GRB10: variants seen among roughly 807,000 people sequenced by gnomAD.
The protein encoded by GRB10 is growth factor receptor-bound protein 10.
In GRB10, 20 loss-of-function variants were observed where a neutral mutation model predicts 80.9. The ratio of observed to expected loss-of-function variants is 0.25; its 90% confidence interval spans 0.17 to 0.36. The LOEUF (loss-of-function observed/expected upper bound fraction) is 0.36. Among genes scored for constraint, GRB10 ranks in the 10% least tolerant of loss-of-function variants. The pLI is 1.00. For missense variants in GRB10, 548 were observed against 747.7 expected, an observed-to-expected ratio of 0.73 and a Z score of 3.12; for synonymous variants, 291 against 291.5, an observed-to-expected ratio of 1.00 and a Z score of 0.02.
At chr7:50,738,031 T>C (rs2153695228) in intron 3 of GRB10, among the ~76,000 whole-genome samples, 1 of 152,192 alleles carries the variant, frequency 6.6e-6, no homozygotes, top group Middle Eastern at 3.4e-3. Flanking sequence ...TCAACATCAC[T>C]AGTCGTTAGG....
At chr7:50,666,991 G>T (rs967630132) in intron 7 of GRB10, among the ~76,000 whole-genome samples, 2 of 137,172 alleles carry the variant, frequency 1.5e-5, no homozygotes, top group African/African-American at 5.5e-5. Context: ...AGTGAGCCGA[G>T]ATTGCGCCAC....
At chr7:50,780,904 T>G (rs1588114593) in intron 1 of GRB10, 168 bp from the exon 2 acceptor site, 1 of 152,280 alleles carries the variant, frequency 6.6e-6, no homozygotes, top group East Asian at 1.9e-4. Flanking sequence ...CCTCCAAAAT[T>G]CGAAAGATGC....
chr7:50,675,242 T>C (rs754066816), intron 5 of GRB10, among the ~76,000 whole-genome samples: 4 of 152,162 alleles, frequency 2.6e-5, no homozygotes, highest in Admixed American at 6.5e-5. Flanking sequence ...ATCCTCTCGA[T>C]TGGCCAGAGT....
At chr7:50,606,672 G>C in intron 13 of GRB10, 2 of 520,868 alleles carry the variant, frequency 3.8e-6, no homozygotes, top group Non-Finnish European at 7.0e-6. Flanking sequence ...TTGACCAGAA[G>C]CCTTAATGAT....
At chr7:50,721,729 G>A (rs2067785105) in intron 4 of GRB10, among the ~76,000 whole-genome samples, 1 of 152,084 alleles carries the variant, frequency 6.6e-6, no homozygotes, top group Non-Finnish European at 1.5e-5. Context: ...AGGGTGATAG[G>A]TCTCCACTCT....
intron 3 of GRB10, among the ~76,000 whole-genome samples, chr7:50,752,108 G>A (rs1244886101): frequency 1.3e-5 from 2 of 152,156 alleles, no homozygotes; most frequent in Non-Finnish European, 2.9e-5. Context: ...CACAGAGTCA[G>A]GGTGTGCAGG....
chr7:50,596,389 C>A (rs2046655957), intron 17 of GRB10, among the ~76,000 whole-genome samples: 1 of 152,174 alleles, frequency 6.6e-6, no homozygotes, highest in Admixed American at 6.5e-5. Context: ...GGTGCTCCCG[C>A]CAAAAATGCA....
upstream of GRB10, among the ~76,000 whole-genome samples, chr7:50,786,182 A>G (rs1038025647): frequency 2.6e-5 from 4 of 152,220 alleles, no homozygotes; most frequent in Admixed American, 1.3e-4. Context: ...AATTGAGGAC[A>G]TATCCCAAAA....
At chr7:50,593,227 C>A in intron 18 of GRB10, 129 bp from the exon 19 acceptor site, 1 of 1,040,186 alleles carries the variant, frequency 9.6e-7, no homozygotes, top group African/African-American at 1.5e-5. Flanking sequence ...GCAAGGTAGG[C>A]TAGAAAACAC....
chr7:50,778,375 G>A (rs1468786306), intron 2 of GRB10, among the ~76,000 whole-genome samples: 1 of 152,222 alleles, frequency 6.6e-6, no homozygotes, highest in Non-Finnish European at 1.5e-5. Context: ...AATGAAAGAT[G>A]ACAAAGGAAT....
intron 5 of GRB10, among the ~76,000 whole-genome samples, chr7:50,689,804 A>T (rs188462384): frequency 2.0e-5 from 3 of 152,298 alleles, no homozygotes; most frequent in Non-Finnish European, 4.4e-5. Context: ...ATTCTGTAGC[A>T]AATGACAGAG....
intron 5 of GRB10, among the ~76,000 whole-genome samples, chr7:50,675,017 G>T (rs2060775115): frequency 6.6e-6 from 1 of 152,114 alleles, no homozygotes; most frequent in East Asian, 1.9e-4. Context: ...GACCCCACTG[G>T]CCTGGACTCA....
At chr7:50,773,552 G>A (rs931915106) in intron 2 of GRB10, among the ~76,000 whole-genome samples, 1 of 151,680 alleles carries the variant, frequency 6.6e-6, no homozygotes, top group African/African-American at 2.4e-5. Context: ...AATGCCAAGT[G>A]TTGGCAAGAA....
At chr7:50,685,628 T>C (rs1194482940) in intron 5 of GRB10, among the ~76,000 whole-genome samples, 2 of 152,164 alleles carry the variant, frequency 1.3e-5, no homozygotes, top group Non-Finnish European at 2.9e-5. Context: ...TTTATAAAAG[T>C]ATCCCAGAGG....
In GRB10 at chr7:50,674,565, G is replaced by C; in HGVS notation, c.233C>G (p.Pro78Arg). 6.2e-7 allele frequency: 1 copy of C among 1,612,786 alleles called. No individual in the cohort carries two copies. Among genetic ancestry groups the C allele is most frequent in the Admixed American group, 1.7e-5 (1 of 60,032 alleles). Reference sequence around the variant, plus strand: ...GGCATGCTGGCCATTCTGCAGGAGGGGCACCGTGTCTGACTGCATGCTGCA... The same window carrying C: ...GGCATGCTGGCCATTCTGCAGGAGGCGCACCGTGTCTGACTGCATGCTGCA... ...SACSMQSDTV[P>R]LLQNGQHARS... The change falls in exon 6 of 19, where the codon CCC becomes CGC. Residue 78 changes from proline to arginine, a missense_variant. Physicochemically the swap from Pro to Arg is moderately radical, Grantham distance 103. Around this residue, in one of 4 missense-constraint regions of GRB10, gnomAD observed 245 missense variants for 229.3 expected, o/e 1.07. Transcript: ENST00000401949.
At chr7:50,685,839 A>G (rs1468032267) in intron 5 of GRB10, among the ~76,000 whole-genome samples, 1 of 152,128 alleles carries the variant, frequency 6.6e-6, no homozygotes, top group East Asian at 1.9e-4. Flanking sequence ...TTCTCCAAAA[A>G]CTGAAATGCC....
intron 7 of GRB10, among the ~76,000 whole-genome samples, chr7:50,669,205 A>G (rs759686605): frequency 6.6e-6 from 1 of 152,240 alleles, no homozygotes; most frequent in Non-Finnish European, 1.5e-5. Flanking sequence ...TAAAGATAAA[A>G]CAGAGTTTTG....
At chr7:50,769,802 T>TAA (rs112446356) in intron 2 of GRB10, among the ~76,000 whole-genome samples, 5 of 144,452 alleles carry the variant, frequency 3.5e-5, no homozygotes, top group African/African-American at 1.3e-4. Context: ...ACATGTCAGG[T>TAA]AAAAAAAAAA....
At chr7:50,627,043 A>C (rs2053030778) in intron 7 of GRB10, 65 bp from the exon 8 acceptor site, 1 of 1,502,338 alleles carries the variant, frequency 6.7e-7, no homozygotes, top group Non-Finnish European at 9.3e-7. Context: ...TAAAAACTGA[A>C]ACAAAAGAAA....
Sources: allele counts gnomAD v4.1 joint callset (sites outside exome capture counted in the v4.1 genomes callset), GRCh38; gene constraint gnomAD v4.1.1; regional missense constraint gnomAD v4.1.1; transcripts MANE v1.5; gene names NCBI Gene and HGNC (gene_info 2026-07-23, HGNC 2026-07-21).